SOX13: variants seen among roughly 807,000 people sequenced by gnomAD.
SOX13 encodes the protein transcription factor SOX-13.
In SOX13, 28 loss-of-function variants were observed where a neutral mutation model predicts 71.8. That is an observed-to-expected ratio of 0.39 (90% confidence interval 0.29 to 0.53). The LOEUF (loss-of-function observed/expected upper bound fraction) is 0.53. Among genes scored for constraint, SOX13 ranks in the 20% least tolerant of loss-of-function variants. The probability of loss-of-function intolerance (pLI) is 0.70; values close to 1 mark genes in which losing one functional copy is unlikely to be tolerated. For missense variants in SOX13, 627 were observed against 810.3 expected (o/e 0.77, Z 2.75); for synonymous variants, 309 against 317.8 (o/e 0.97, Z 0.29).
intron 1 of SOX13, among the ~76,000 whole-genome samples, chr1:204,104,072 A>G (rs796952623): frequency 7.2e-4 from 110 of 152,288 alleles, no homozygotes; most frequent in African/African-American, 2.6e-3. Context: ...CCCTTGGGCC[A>G]GGGTCAGCTG....
rs112170080 is a variant in SOX13 at position 204,112,856 on chromosome 1, C to T, written c.-1-59C>T. 1,374 of 1,451,066 alleles carry T rather than the reference C, an allele frequency of 9.5e-4. 7 individuals carry two copies. In the African/African-American group the frequency reaches 0.017, roughly 17 times the overall value. The allele number at this position is 1,451,066 out of a possible 1,614,324, so 89.9% of individuals were successfully genotyped here. A position where few individuals can be genotyped will look rare whatever the true frequency, so the allele number is the denominator to read the frequency against. ...AGGGGAGCAAACAGTAGGGTCACTGCCTCTGGGCAGAAGTTTACGACTGGG... is the reference window on the plus strand; with the variant it reads ...AGGGGAGCAAACAGTAGGGTCACTGTCTCTGGGCAGAAGTTTACGACTGGG... On this transcript the variant is annotated intron_variant, in intron 1 of 13. Transcript: ENST00000367204.
chr1:204,126,372 A>C lies in SOX13; in HGVS notation c.*238A>C, dbSNP rs190028541. ...TGGCCATGGGCTGAGCAGGCTGAGC[A>C]CCTCAGCCTTTAGGGCTTATGGCCA... On this transcript the variant is annotated 3_prime_UTR_variant, in exon 14 of 14. Transcript: ENST00000367204. The C allele has an allele frequency of 3.0e-4, 171 of 572,240 alleles. 1 individual carries two copies. The African/African-American group carries it at 3.0e-3, about 10-fold the overall frequency. The allele number at this position is 572,240 out of a possible 1,614,324, so 35.4% of individuals were successfully genotyped here.
chr1:204,092,425 T>C (rs540479260), intron 1 of SOX13, among the ~76,000 whole-genome samples: 1 of 152,250 alleles, frequency 6.6e-6, no homozygotes, highest in Admixed American at 6.5e-5. Flanking sequence ...CAAGCAGTCC[T>C]CCTGACTTGG....
intron 1 of SOX13, among the ~76,000 whole-genome samples, chr1:204,079,105 T>C (rs932831463): frequency 1.3e-5 from 2 of 152,022 alleles, no homozygotes; most frequent in African/African-American, 2.4e-5. Flanking sequence ...GAGACCATCC[T>C]GGCTAAGACG....
chr1:204,103,838 C>T (rs1021741767), intron 1 of SOX13, among the ~76,000 whole-genome samples: 1 of 152,122 alleles, frequency 6.6e-6, no homozygotes, highest in East Asian at 1.9e-4. Context: ...AGGAAGGCCT[C>T]CAGAGAAGGG....
At chr1:204,104,088 C>T (rs999727326) in intron 1 of SOX13, among the ~76,000 whole-genome samples, 6 of 152,178 alleles carry the variant, frequency 3.9e-5, no homozygotes, top group African/African-American at 9.7e-5. Context: ...AGCTGAGTCC[C>T]GGCAGCCACA....
At chr1:204,110,765 G>A (rs1211215260) in intron 1 of SOX13, among the ~76,000 whole-genome samples, 1 of 152,036 alleles carries the variant, frequency 6.6e-6, no homozygotes. Context: ...CTATCCAAAT[G>A]CATCCATACA....
At chr1:204,105,290 G>A (rs1306927383) in intron 1 of SOX13, among the ~76,000 whole-genome samples, 1 of 152,202 alleles carries the variant, frequency 6.6e-6, no homozygotes, top group African/African-American at 2.4e-5. Flanking sequence ...GGTGAGATAA[G>A]ACCACAGAGG....
At position 204,092,607 on chromosome 1, in the gene SOX13, G is replaced by A. The variant is rs1403023156; in HGVS notation, c.-2+18896G>A. Among the ~76,000 whole-genome samples the A allele has an allele frequency of 2.6e-5, 4 of 152,220 alleles. No homozygotes were observed. In the East Asian group the frequency reaches 7.7e-4, roughly 29 times the overall value. ...TATGGCCCTTAGTATAGGACCTGGAGTATAGAAGGCTTTGGTAAGTGGGAG... is the reference window on the plus strand; with the variant it reads ...TATGGCCCTTAGTATAGGACCTGGAATATAGAAGGCTTTGGTAAGTGGGAG... On this transcript the variant is annotated intron_variant, in intron 1 of 13. Coordinates refer to ENST00000367204, the MANE Select transcript of SOX13 (RefSeq NM_005686.3).
At chr1:204,098,113 G>A (rs1413464472) in intron 1 of SOX13, among the ~76,000 whole-genome samples, 11 of 152,124 alleles carry the variant, frequency 7.2e-5, no homozygotes, top group East Asian at 1.9e-4. Flanking sequence ...CACCCACCTC[G>A]ACCTTCCAAA....
intron 1 of SOX13, among the ~76,000 whole-genome samples, chr1:204,110,531 G>T (rs112786040): frequency 2.0e-5 from 3 of 151,928 alleles, no homozygotes; most frequent in African/African-American, 7.2e-5. Context: ...ATTGTCTAGG[G>T]AATAATGACA....
At chr1:204,075,889 T>G (rs926467985) in intron 1 of SOX13, among the ~76,000 whole-genome samples, 1 of 152,224 alleles carries the variant, frequency 6.6e-6, no homozygotes, top group African/African-American at 2.4e-5. Flanking sequence ...ATTACTTAAC[T>G]GACCTTGTAC....
chr1:204,123,640 G>A lies in SOX13; in HGVS notation c.1232-21G>A. On this transcript the variant is annotated intron_variant, in intron 11 of 13. Coordinates refer to ENST00000367204, the MANE Select transcript of SOX13 (RefSeq NM_005686.3). This position sits in a 1 kb window ranked among gnomAD's most constrained non-coding sequence, Gnocchi z 5.0. ...CTGACCCCAGACAGGCTGCTTGGCT[G>A]ACTTCACTCCTGTCTCCCAGGCTCC... 6.2e-7 allele frequency: 1 copy of A among 1,610,024 alleles called. No individual in the cohort carries two copies. Among genetic ancestry groups the A allele is most frequent in the Non-Finnish European group, 8.5e-7 (1 of 1,178,102 alleles).
chr1:204,113,917 A>G (rs1656637465), intron 2 of SOX13, among the ~76,000 whole-genome samples: 1 of 152,202 alleles, frequency 6.6e-6, no homozygotes, highest in Non-Finnish European at 1.5e-5. Flanking sequence ...CAAGGGAGTG[A>G]TAACTAATAG....
intron 1 of SOX13, among the ~76,000 whole-genome samples, chr1:204,102,646 C>T (rs902429227): frequency 6.6e-6 from 1 of 151,156 alleles, no homozygotes; most frequent in African/African-American, 2.4e-5. Context: ...GGGTGGCGGG[C>T]CCTGGTGTTC....
At chr1:204,120,895 C>T (rs1015467598) in intron 7 of SOX13, among the ~76,000 whole-genome samples, 3 of 152,086 alleles carry the variant, frequency 2.0e-5, no homozygotes, top group African/African-American at 4.8e-5. Context: ...GCCCTGGGTT[C>T]AAATCCTGAT....
intron 7 of SOX13, chr1:204,118,753 T>G (rs1380718308): frequency 6.6e-6 from 1 of 152,224 alleles, no homozygotes; most frequent in Non-Finnish European, 1.5e-5. Flanking sequence ...AGAATGGCCA[T>G]GTGTCAGACA....
At chr1:204,113,824 A>G (rs1265707751) in intron 2 of SOX13, among the ~76,000 whole-genome samples, 1 of 152,106 alleles carries the variant, frequency 6.6e-6, no homozygotes, top group East Asian at 1.9e-4. Flanking sequence ...AAGAGGAGTG[A>G]GGCAGGCAGT....
At chr1:204,119,307 TCACATA>T (rs1250281840) in intron 7 of SOX13, 2 of 152,200 alleles carry the variant, frequency 1.3e-5, no homozygotes, top group Admixed American at 1.3e-4. Flanking sequence ...ATGTTATTCC[TCACATA>T]CAGTTCTGGG....
Sources: gnomAD v4.1 joint callset for allele counts (sites outside exome capture counted in the v4.1 genomes callset) on GRCh38, gnomAD v4.1.1 for gene constraint, Gnocchi (gnomAD v3.1) non-coding constraint, MANE v1.5 for transcripts, NCBI Gene and HGNC (gene_info 2026-07-23, HGNC 2026-07-21) for gene names.